The following STAT1 variants were observed in gnomAD, a reference collection of about 807,000 sequenced individuals.
STAT1 encodes signal transducer and activator of transcription 1, also known as signal transducer and activator of transcription 1-alpha/beta.
A neutral mutation model predicts 111.7 loss-of-function variants in STAT1; 24 were observed. That is an observed-to-expected ratio of 0.21 (90% CI 0.16 to 0.30). The LOEUF (loss-of-function observed/expected upper bound fraction) is 0.30. Ranked by LOEUF, STAT1 falls within the 10% of genes least tolerant of loss-of-function variation. The probability of loss-of-function intolerance (pLI) is 1.00; values close to 1 mark genes in which losing one functional copy is unlikely to be tolerated. For missense variants in STAT1, 351 were observed against 911.9 expected (o/e 0.38, Z 7.92); for synonymous variants, 332 against 326.5 (o/e 1.02, Z -0.18).
chr2:190,988,805 A>C (rs2125041409), intron 12 of STAT1, among the ~76,000 whole-genome samples: 1 of 152,242 alleles, frequency 6.6e-6, no homozygotes, highest in East Asian at 1.9e-4. Flanking sequence ...AGTGGGAAAA[A>C]GCAAAAAGCC....
rs1238103998 is a variant in STAT1, at chr2:190,995,573, T to C, written c.786-354A>G. Reference sequence around the variant, plus strand: ...CCCCCATGATTCAATTATCTCCACCTGGCCCTGCCCTTGACACATGGGGAT... The same window carrying C: ...CCCCCATGATTCAATTATCTCCACCCGGCCCTGCCCTTGACACATGGGGAT... On this transcript the variant is annotated intron_variant, in intron 9 of 24. Transcript: ENST00000361099. The surrounding 1 kb of genome is among the most constrained non-coding windows in gnomAD (Gnocchi z 4.2). Among the ~76,000 whole-genome samples, 2 of 152,156 alleles carry C rather than the reference T, an allele frequency of 1.3e-5. No homozygotes were observed. The highest frequency in any genetic ancestry group is 2.9e-5 in the Non-Finnish European group (2 of 68,010).
chr2:190,977,984 G>GA lies in STAT1; in HGVS notation c.1873+871dup, dbSNP rs1023021432. 3.8e-4 allele frequency among the ~76,000 whole-genome samples: 55 copies of GA among 144,802 alleles called. No individual in the cohort carries two copies. The highest frequency in any genetic ancestry group is 2.9e-3 in the South Asian group (13 of 4,554). 95.0% of individuals were successfully genotyped at this position (144,802 alleles called of 152,430 possible). A position where few individuals can be genotyped will look rare whatever the true frequency, so the allele number is the denominator to read the frequency against. ...CAGAACAAGAAAGAATACCGTTCCAGAAAAAAAAAATAGAAGAGTATTCCA... is the reference window on the plus strand; with the variant it reads ...CAGAACAAGAAAGAATACCGTTCCAGAAAAAAAAAAATAGAAGAGTATTCCA... On this transcript the variant is annotated intron_variant, in intron 21 of 24. Coordinates refer to ENST00000361099, the MANE Select transcript of STAT1 (RefSeq NM_007315.4). This position sits in a 1 kb window ranked among gnomAD's most constrained non-coding sequence, Gnocchi z 4.7.
Position 190,976,822 on chromosome 2 carries a change from C to T in STAT1, c.2059+18G>A. Reference sequence around the variant, plus strand: ...GAAAGACTGTGCCACGCTGTTACCACCTGCTTGCCCCACTTACCTTCCTTT... The same window carrying T: ...GAAAGACTGTGCCACGCTGTTACCATCTGCTTGCCCCACTTACCTTCCTTT... On this transcript the variant is annotated intron_variant, in intron 22 of 24. Transcript: ENST00000361099. The surrounding 1 kb of genome is among the most constrained non-coding windows in gnomAD (Gnocchi z 6.0). 1.2e-6 allele frequency: 2 copies of T among 1,611,384 alleles called. No individual in the cohort carries two copies. The highest frequency in any genetic ancestry group is 1.7e-6 in the Non-Finnish European group (2 of 1,177,494).
In STAT1 at chr2:191,006,040, T is replaced by G. The variant is rs1694662482; in HGVS notation, c.372+1523A>C. Among the ~76,000 whole-genome samples, 1 of 152,242 alleles carries G rather than the reference T, an allele frequency of 6.6e-6. No individual in the cohort carries two copies. Among genetic ancestry groups the G allele is most frequent in the Non-Finnish European group, 1.5e-5 (1 of 68,044 alleles). On this transcript the variant is annotated intron_variant, in intron 5 of 24. Coordinates refer to ENST00000361099, the MANE Select transcript of STAT1 (RefSeq NM_007315.4). This position sits in a 1 kb window ranked among gnomAD's most constrained non-coding sequence, Gnocchi z 4.6. ...ATGTGGGAGAGCAGGGGTCACCTAC[T>G]CTGCTGCCAATGCCATCTCTGGGCC...
At position 190,972,718 on chromosome 2, in the gene STAT1, TTTTTC is replaced by T. The variant is rs568260944; in HGVS notation, c.2239-2006_2239-2002del. On this transcript the variant is annotated intron_variant, in intron 24 of 24. Coordinates refer to ENST00000361099, the MANE Select transcript of STAT1 (RefSeq NM_007315.4). ...AGTGCCGTGCCTATATTATGAACTC[TTTTTC>T]TTTTCTTTTCTTTTTTTTTTTTTAT... Among the ~76,000 whole-genome samples the T allele has an allele frequency of 5.5e-3, 837 of 151,672 alleles. 8 individuals are homozygous for T. Among genetic ancestry groups the T allele is most frequent in the African/African-American group, 0.019 (766 of 41,374 alleles).
At position 190,975,917 on chromosome 2, in the gene STAT1, C is replaced by T. The variant is rs1691872674; in HGVS notation, c.2060-30G>A. 1 of 1,579,090 alleles carries T rather than the reference C, an allele frequency of 6.3e-7. No homozygotes were observed. The highest frequency in any genetic ancestry group is 1.1e-5 in the South Asian group (1 of 90,238). On this transcript the variant is annotated intron_variant, in intron 22 of 24. Coordinates refer to ENST00000361099, the MANE Select transcript of STAT1 (RefSeq NM_007315.4). The surrounding 1 kb of genome is among the most constrained non-coding windows in gnomAD (Gnocchi z 5.9). The stretch of plus-strand genomic sequence containing the variant: ...AAATAAACACATTGTGTACGCTTTC[C>T]ATCAACCGAAATTCCATCAGAATAC...
chr2:191,006,989 G>C lies in STAT1; in HGVS notation c.372+574C>G, dbSNP rs2125095277. Among the ~76,000 whole-genome samples the C allele has an allele frequency of 6.6e-6, 1 of 152,188 alleles. No individual in the cohort carries two copies. The highest frequency in any genetic ancestry group is 6.5e-5 in the Admixed American group (1 of 15,304). On this transcript the variant is annotated intron_variant, in intron 5 of 24. Transcript: ENST00000361099. This position sits in a 1 kb window ranked among gnomAD's most constrained non-coding sequence, Gnocchi z 4.6. ...CCTTGCCTTCCCAGCTCCGTGTACAGCATTACCATTTTTCAAGGGGTTCTA... is the reference window on the plus strand; with the variant it reads ...CCTTGCCTTCCCAGCTCCGTGTACACCATTACCATTTTTCAAGGGGTTCTA...
At position 191,004,075 on chromosome 2, in the gene STAT1, G is replaced by C. The variant is rs1243345643; in HGVS notation, c.373-2912C>G. 6.6e-6 allele frequency among the ~76,000 whole-genome samples: 1 copy of C among 152,116 alleles called. No individual in the cohort carries two copies. Among genetic ancestry groups the C allele is most frequent in the East Asian group, 1.9e-4 (1 of 5,186 alleles). ...CTAAGAAATCTCCTGCTTCCAACTT[G>C]GGCAGTAGTCCCTCCAAGTCACTCA... On this transcript the variant is annotated intron_variant, in intron 5 of 24. Transcript: ENST00000361099. The surrounding 1 kb of genome is among the most constrained non-coding windows in gnomAD (Gnocchi z 5.0).
Position 190,999,810 on chromosome 2 carries a change from C to T in STAT1, c.463-106G>A, listed in dbSNP as rs1694129564. The stretch of plus-strand genomic sequence containing the variant: ...AACCCAGAGAAACACGAAAACAATT[C>T]CATCTCCCCCAAAAAGAGATCTGAC... On this transcript the variant is annotated intron_variant, in intron 6 of 24. Transcript: ENST00000361099. This position sits in a 1 kb window ranked among gnomAD's most constrained non-coding sequence, Gnocchi z 4.1. 1 of 762,824 alleles carries T rather than the reference C, an allele frequency of 1.3e-6. No individual in the cohort carries two copies. Among genetic ancestry groups the T allele is most frequent in the Admixed American group, 2.0e-5 (1 of 49,404 alleles). The allele number at this position is 762,824 out of a possible 1,614,324, so 47.3% of individuals were successfully genotyped here.
At chr2:190,988,401 C>T (rs1456873315) in intron 12 of STAT1, among the ~76,000 whole-genome samples, 1 of 152,160 alleles carries the variant, frequency 6.6e-6, no homozygotes, top group Admixed American at 6.5e-5. Flanking sequence ...TGTTTTTAGA[C>T]AGAGTCTCAC....
rs1694559593 is a variant in STAT1, at chr2:191,004,883, C to T, written c.372+2680G>A. ...CCACCTGAAAGAAATTCTCCCCATC[C>T]CTTCAGACCCTATGGACCTAAATTT... On this transcript the variant is annotated intron_variant, in intron 5 of 24. Transcript: ENST00000361099. The surrounding 1 kb of genome is among the most constrained non-coding windows in gnomAD (Gnocchi z 5.0). Among the ~76,000 whole-genome samples the T allele has an allele frequency of 6.6e-6, 1 of 152,240 alleles. No individual in the cohort carries two copies. Among genetic ancestry groups the T allele is most frequent in the Non-Finnish European group, 1.5e-5 (1 of 68,018 alleles).
At position 191,009,056 on chromosome 2, in the gene STAT1, G is replaced by A; in HGVS notation, c.180C>T (p.Leu60=). 6.2e-7 allele frequency: 1 copy of A among 1,614,136 alleles called. No homozygotes were observed. Among genetic ancestry groups the A allele is most frequent in the Non-Finnish European group, 8.5e-7 (1 of 1,179,992 alleles). Residue 60 remains leucine (L), a synonymous_variant, in exon 4 of 25, where the codon CTC becomes CTT. Transcript: ENST00000361099. ...TATATTGATCATCCAGCTGTGACAG[G>A]AGGTCATGAAAACGGATGGTGGCAA... ...VSFATIRFHD[L]LSQLDDQYSR...
In STAT1 at chr2:190,993,544, C is replaced by G; in HGVS notation, c.944+1517G>C. On this transcript the variant is annotated intron_variant, in intron 10 of 24. Transcript: ENST00000361099. This position sits in a 1 kb window ranked among gnomAD's most constrained non-coding sequence, Gnocchi z 4.1. ...ATCAGAAGTAATTTGAATAAATAATCAATTTGGGATTCATGCTGGACATGT... is the reference window on the plus strand; with the variant it reads ...ATCAGAAGTAATTTGAATAAATAATGAATTTGGGATTCATGCTGGACATGT... 1 of 667,504 alleles carries G rather than the reference C, an allele frequency of 1.5e-6. No individual in the cohort carries two copies. The highest frequency in any genetic ancestry group is 2.8e-6 in the Non-Finnish European group (1 of 361,078). The allele number at this position is 667,504 out of a possible 1,614,324, so 41.3% of individuals were successfully genotyped here. A position where few individuals can be genotyped will look rare whatever the true frequency, so the allele number is the denominator to read the frequency against.
Position 190,986,307 on chromosome 2 carries a change from C to A in STAT1, c.1221+547G>T, listed in dbSNP as rs1474000948. ...AGAGCCTCACAGCAACTGGCAGCCC[C>A]CATGTTCACAGAGGAGGAAAGATGG... On this transcript the variant is annotated intron_variant, in intron 14 of 24. Transcript: ENST00000361099. The surrounding 1 kb of genome is among the most constrained non-coding windows in gnomAD (Gnocchi z 5.0). Among the ~76,000 whole-genome samples the A allele has an allele frequency of 3.3e-5, 5 of 152,174 alleles. No homozygotes were observed. Among genetic ancestry groups the A allele is most frequent in the African/African-American group, 1.2e-4 (5 of 41,444 alleles).
In STAT1 at chr2:190,997,944, T is replaced by C; in HGVS notation, c.697A>G (p.Asn233Asp). Residue 233 changes from asparagine to aspartate, a missense_variant, in exon 9 of 25, where the codon AAT (asparagine) becomes GAT (aspartate). Coordinates refer to ENST00000361099, the MANE Select transcript of STAT1 (RefSeq NM_007315.4). The surrounding 1 kb of genome is among the most constrained non-coding windows in gnomAD (Gnocchi z 7.3). The part of the protein sequence containing the change: ...VTELTQNALI[N>D]DELVEWKRRQ... ...CGCTTCCACTCCACTAGTTCATCAT[T>C]AATCAGGGCATTCTGGGTAAGTTCA... 6.2e-7 allele frequency: 1 copy of C among 1,614,252 alleles called. No individual in the cohort carries two copies.
rs1691972041 is a variant in STAT1 at position 190,977,172 on chromosome 2, G to A, written c.1874-147C>T. 4.1e-6 allele frequency: 3 copies of A among 731,058 alleles called. No individual in the cohort carries two copies. Among genetic ancestry groups the A allele is most frequent in the Non-Finnish European group, 7.1e-6 (3 of 425,222 alleles). The allele number at this position is 731,058 out of a possible 1,614,324, so 45.3% of individuals were successfully genotyped here. A position where few individuals can be genotyped will look rare whatever the true frequency, so the allele number is the denominator to read the frequency against. ...AGCATTATAACATATACAGTAGACT[G>A]CTTTATTTCTAAATAAATTATAATA... On this transcript the variant is annotated intron_variant, in intron 21 of 24. Transcript: ENST00000361099. This position sits in a 1 kb window ranked among gnomAD's most constrained non-coding sequence, Gnocchi z 4.7.
chr2:190,990,911 G>A lies in STAT1; in HGVS notation c.1037+317C>T, dbSNP rs576072583. On this transcript the variant is annotated intron_variant, in intron 11 of 24. Coordinates refer to ENST00000361099, the MANE Select transcript of STAT1 (RefSeq NM_007315.4). This position sits in a 1 kb window ranked among gnomAD's most constrained non-coding sequence, Gnocchi z 5.1. Reference sequence around the variant, plus strand: ...TCAGGTTATGAGCCTATGCCCAAGAGGGGTGAGGCAGCCAGGAACTTTTAC... The same window carrying A: ...TCAGGTTATGAGCCTATGCCCAAGAAGGGTGAGGCAGCCAGGAACTTTTAC... 2.6e-4 allele frequency among the ~76,000 whole-genome samples: 39 copies of A among 152,300 alleles called. No individual in the cohort carries two copies. Among genetic ancestry groups the A allele is most frequent in the African/African-American group, 8.9e-4 (37 of 41,564 alleles).
Position 190,989,670 on chromosome 2 carries a change from A to G in STAT1, c.1042T>C (p.Leu348=), listed in dbSNP as rs1693169013. The change falls in exon 12 of 25, where the codon TTG becomes CTG. Residue 348 remains leucine, a synonymous_variant. Transcript: ENST00000361099. This position sits in a 1 kb window ranked among gnomAD's most constrained non-coding sequence, Gnocchi z 5.0. The part of the protein sequence containing the change: ...GVQFTVKLRL[L]VKLQELNYNL... ...TAATTCAGCTCTTGCAATTTCACCA[A>G]CAGTCTGGAAAGAAAAATAAAAGCC... 3 of 1,596,868 alleles carry G rather than the reference A, an allele frequency of 1.9e-6. No individual in the cohort carries two copies. Among genetic ancestry groups the G allele is most frequent in the South Asian group, 1.1e-5 (1 of 88,934 alleles).
In STAT1 at chr2:190,987,140, G is replaced by A; in HGVS notation, c.1098-72C>T. 4 of 1,138,264 alleles carry A rather than the reference G, an allele frequency of 3.5e-6. No individual in the cohort carries two copies. The highest frequency in any genetic ancestry group is 1.7e-5 in the Admixed American group (1 of 57,332). 70.5% of individuals were successfully genotyped at this position (1,138,264 alleles called of 1,614,324 possible). A position where few individuals can be genotyped will look rare whatever the true frequency, so the allele number is the denominator to read the frequency against. ...AATAAGCTTTAACAAAATTATAAGA[G>A]TATAAGAGCATAAGAGTGTAAGTGA... On this transcript the variant is annotated intron_variant, in intron 12 of 24. Transcript: ENST00000361099. This position sits in a 1 kb window ranked among gnomAD's most constrained non-coding sequence, Gnocchi z 4.0.
Sources: allele counts gnomAD v4.1 joint callset (sites outside exome capture counted in the v4.1 genomes callset), GRCh38; gene constraint gnomAD v4.1.1; non-coding constraint Gnocchi (gnomAD v3.1); transcripts MANE v1.5; gene names NCBI Gene and HGNC (gene_info 2026-07-23, HGNC 2026-07-21).